The following RBFOX1 variants were observed in gnomAD, a reference collection of about 807,000 sequenced individuals.
The protein encoded by RBFOX1 is RNA binding fox-1 homolog 1, also known as RNA binding protein fox-1 homolog 1.
A neutral mutation model predicts 57.7 loss-of-function variants in RBFOX1; 8 were observed. The observed-to-expected ratio is 0.14, with a 90% CI of 0.08 to 0.25. The LOEUF (loss-of-function observed/expected upper bound fraction) is 0.25, where lower values mean the gene tolerates loss of function less well. RBFOX1 is among the 10% of genes least tolerant of loss of function. RBFOX1 has a pLI of 1.00. For missense variants in RBFOX1, 611 were observed against 548.5 expected (o/e 1.11, Z -1.14); for synonymous variants, 326 against 222.4 (o/e 1.47, Z -4.15).
chr16:6,930,015 C>G (rs1052502601), intron 3 of RBFOX1, among the ~76,000 whole-genome samples: 2 of 152,276 alleles, frequency 1.3e-5, no homozygotes, highest in African/African-American at 2.4e-5. Flanking sequence ...AGCGAGATCT[C>G]TCTCTTCTCT....
At chr16:7,080,714 C>G (rs1173221162) in intron 4 of RBFOX1, among the ~76,000 whole-genome samples, 1 of 152,104 alleles carries the variant, frequency 6.6e-6, no homozygotes, top group Non-Finnish European at 1.5e-5. Flanking sequence ...GGTATGCTTC[C>G]CATCACAGAT....
At chr16:7,243,147 A>G (rs1468802213) in intron 4 of RBFOX1, among the ~76,000 whole-genome samples, 1 of 152,176 alleles carries the variant, frequency 6.6e-6, no homozygotes, top group Non-Finnish European at 1.5e-5. Flanking sequence ...TAAAATTGTA[A>G]CACACCCAGT....
At chr16:7,333,498 G>A (rs951135379) in intron 4 of RBFOX1, among the ~76,000 whole-genome samples, 2 of 152,154 alleles carry the variant, frequency 1.3e-5, no homozygotes, top group Non-Finnish European at 2.9e-5. Flanking sequence ...CATGAAATAT[G>A]CATTAATTCA....
intron 2 of RBFOX1, among the ~76,000 whole-genome samples, chr16:6,643,644 T>A (rs957005205): frequency 6.6e-6 from 1 of 151,964 alleles, no homozygotes; most frequent in Admixed American, 6.6e-5. Flanking sequence ...TAAGGGAGAG[T>A]ATAAAATACA....
At chr16:5,897,015 GCTTTTTTT>G (rs1567683512) in intron 4 of RBFOX1, among the ~76,000 whole-genome samples, 4 of 80,932 alleles carry the variant, frequency 4.9e-5, no homozygotes, top group Non-Finnish European at 9.2e-5. Flanking sequence ...GTATCCATCC[GCTTTTTTT>G]TTTTTTTTTT....
At position 7,554,063 on chromosome 16, in the gene RBFOX1, C is replaced by T. The variant is rs13331213; in HGVS notation, c.271-25714C>T. Among the ~76,000 whole-genome samples the T allele has an allele frequency of 1.0e-3, 155 of 152,176 alleles. 1 individual carries two copies. The highest frequency in any genetic ancestry group is 3.5e-3 in the African/African-American group (146 of 41,534). On this transcript the variant is annotated intron_variant, in intron 5 of 15. Coordinates refer to ENST00000550418, the MANE Select transcript of RBFOX1 (RefSeq NM_018723.4). ...GGTCGAGGCTGCAGCGAACTATGATCGGAACACTGCACTCCAGCCTGGGTG... is the reference window on the plus strand; with the variant it reads ...GGTCGAGGCTGCAGCGAACTATGATTGGAACACTGCACTCCAGCCTGGGTG...
intron 14 of RBFOX1, among the ~76,000 whole-genome samples, chr16:7,689,426 C>T (rs375331725): frequency 3.0e-4 from 45 of 152,190 alleles, no homozygotes; most frequent in African/African-American, 1.1e-3. Flanking sequence ...AGGCGTGATT[C>T]CCTCACAGCA....
At chr16:5,768,046 A>C (rs2053848350) in intron 3 of RBFOX1, among the ~76,000 whole-genome samples, 1 of 152,204 alleles carries the variant, frequency 6.6e-6, no homozygotes, top group East Asian at 1.9e-4. Flanking sequence ...AATTATCCAA[A>C]AATAACCCAT....
chr16:7,654,047 C>G lies in RBFOX1; in HGVS notation c.890+100C>G, dbSNP rs759089706. 2.3e-6 allele frequency: 3 copies of G among 1,277,882 alleles called. No homozygotes were observed. The African/African-American group carries it at 4.6e-5, about 20-fold the overall frequency. The allele number at this position is 1,277,882 out of a possible 1,614,324, so 79.2% of individuals were successfully genotyped here. ...GCGCATGATGGTCTTGACTCCCCCTCCGCCACCCCCAGAACCGCCCCCAGC... is the reference window on the plus strand; with the variant it reads ...GCGCATGATGGTCTTGACTCCCCCTGCGCCACCCCCAGAACCGCCCCCAGC... On this transcript the variant is annotated intron_variant, in intron 12 of 15. Coordinates refer to ENST00000550418, the MANE Select transcript of RBFOX1 (RefSeq NM_018723.4).
At chr16:5,742,871 G>A (rs1181932357) in intron 3 of RBFOX1, among the ~76,000 whole-genome samples, 3 of 152,198 alleles carry the variant, frequency 2.0e-5, no homozygotes, top group East Asian at 1.9e-4. Context: ...CATTTGGGCC[G>A]AGAGATGGAT....
At chr16:5,551,339 G>A (rs2045455656) in intron 2 of RBFOX1, among the ~76,000 whole-genome samples, 1 of 152,192 alleles carries the variant, frequency 6.6e-6, no homozygotes, top group Admixed American at 6.5e-5. Context: ...TGGGATACAT[G>A]TGCGAGGCTC....
At chr16:7,312,518 A>C (rs944254699) in intron 4 of RBFOX1, among the ~76,000 whole-genome samples, 1 of 152,196 alleles carries the variant, frequency 6.6e-6, no homozygotes, top group Non-Finnish European at 1.5e-5. Context: ...ATGGCCTGCC[A>C]AGGACACAGA....
chr16:5,834,106 G>A (rs1443595055), intron 3 of RBFOX1, among the ~76,000 whole-genome samples: 1 of 152,174 alleles, frequency 6.6e-6, no homozygotes, highest in Non-Finnish European at 1.5e-5. Flanking sequence ...TGTGAATTCT[G>A]CTTATTTTAA....
chr16:5,333,998 A>G (rs998365932), intron 1 of RBFOX1, among the ~76,000 whole-genome samples: 1 of 152,226 alleles, frequency 6.6e-6, no homozygotes, highest in Non-Finnish European at 1.5e-5. Flanking sequence ...AAGTGGCTCA[A>G]CAAGTCAAAG....
rs1292335576 is a variant in RBFOX1, at chr16:5,454,922, TCTTTCTTC to T, written c.220-12290_220-12283del. On this transcript the variant is annotated intron_variant, in intron 1 of 2. Transcript: ENST00000585867. ...TCTTTCTTTCTTTCTTTCCTTTGTT[TCTTTCTTC>T]CTTCCTTCCTTCCTTCCTTCCTTCC... 3.0e-3 allele frequency among the ~76,000 whole-genome samples: 169 copies of T among 56,772 alleles called. 4 individuals carry two copies. The highest frequency in any genetic ancestry group is 5.1e-3 in the African/African-American group (80 of 15,816). The allele number at this position is 56,772 out of a possible 152,430, so 37.2% of individuals were successfully genotyped here. A position where few individuals can be genotyped will look rare whatever the true frequency, so the allele number is the denominator to read the frequency against.
chr16:6,998,858 T>G (rs1453275398), intron 3 of RBFOX1, among the ~76,000 whole-genome samples: 4 of 151,942 alleles, frequency 2.6e-5, no homozygotes, highest in Non-Finnish European at 4.4e-5. Flanking sequence ...TTTTTTTAAT[T>G]AATTAAGTAT....
chr16:7,431,626 C>A (rs555561193), intron 4 of RBFOX1, among the ~76,000 whole-genome samples: 8 of 152,208 alleles, frequency 5.3e-5, no homozygotes, highest in African/African-American at 1.9e-4. Context: ...TTTAATGCAA[C>A]CGCCATCACT....
intron 3 of RBFOX1, among the ~76,000 whole-genome samples, chr16:6,853,884 C>T (rs11644354): frequency 6.6e-6 from 1 of 151,970 alleles, no homozygotes; most frequent in African/African-American, 2.4e-5. Context: ...ATAGCCAGGG[C>T]CAGGATCTAT....
intron 14 of RBFOX1, among the ~76,000 whole-genome samples, chr16:7,691,732 TAGGGAAAATTGCAGAA>T (rs2077385462): frequency 6.6e-6 from 1 of 150,480 alleles, no homozygotes; most frequent in Non-Finnish European, 1.5e-5. Flanking sequence ...GACAGTTCCT[TAGGGAAAATTGCAGAA>T]AGGGAACACA....
Sources: gnomAD v4.1 joint callset for allele counts (sites outside exome capture counted in the v4.1 genomes callset) on GRCh38, gnomAD v4.1.1 for gene constraint, MANE v1.5 for transcripts, NCBI Gene and HGNC (gene_info 2026-07-23, HGNC 2026-07-21) for gene names.